SLC4A1AP: variants seen among roughly 807,000 people sequenced by gnomAD.
The protein encoded by SLC4A1AP is kanadaptin.
SLC4A1AP carries 64 observed loss-of-function variants against 89.7 expected under a neutral mutation model. The observed-to-expected ratio is 0.71, with a 90% CI of 0.58 to 0.88. The LOEUF (loss-of-function observed/expected upper bound fraction) is 0.88, where lower values mean the gene tolerates loss of function less well. SLC4A1AP is among the 40% of genes least tolerant of loss of function. The pLI is 0.00. For missense variants in SLC4A1AP, 931 were observed against 965.0 expected, an observed-to-expected ratio of 0.96 and a Z score of 0.47; for synonymous variants, 366 against 353.3, an observed-to-expected ratio of 1.04 and a Z score of -0.40.
At chr2:27,688,663 G>C in intron 11 of SLC4A1AP, 37 bp from the exon 12 acceptor site, 1 of 1,443,498 alleles carries the variant, frequency 6.9e-7, no homozygotes, top group South Asian at 1.2e-5. Flanking sequence ...TACTTATACT[G>C]AAAATAGCTA....
At chr2:27,687,213 A>C (rs569636249) in intron 10 of SLC4A1AP, among the ~76,000 whole-genome samples, 1 of 152,160 alleles carries the variant, frequency 6.6e-6, no homozygotes, top group African/African-American at 2.4e-5. Context: ...TGCATATGCC[A>C]TAATGTATTT....
Position 27,668,912 on chromosome 2 carries a change from T to C in SLC4A1AP, c.1205+9T>C, listed in dbSNP as rs1675377592. ...TGGCTCTGCAGGGTGAGGTATGCTC[T>C]TTTCTTATTAATGTTCTTTTCTGGA... On this transcript the variant is annotated intron_variant, in intron 4 of 13. Coordinates refer to ENST00000613058, the Ensembl canonical transcript of SLC4A1AP. The C allele has an allele frequency of 6.2e-7, 1 of 1,612,666 alleles. No homozygotes were observed. Among genetic ancestry groups the C allele is most frequent in the South Asian group, 1.1e-5 (1 of 90,800 alleles).
chr2:27,665,995 A>C (rs1488975756), intron 2 of SLC4A1AP, among the ~76,000 whole-genome samples: 2 of 152,248 alleles, frequency 1.3e-5, no homozygotes, highest in Non-Finnish European at 2.9e-5. Flanking sequence ...TATGGTAGCC[A>C]CTAGCCACAT....
chr2:27,673,409 TCCCTC>T (rs1675460421), intron 5 of SLC4A1AP, among the ~76,000 whole-genome samples: 1 of 10,492 alleles, frequency 9.5e-5, no homozygotes, highest in Non-Finnish European at 2.4e-4. Flanking sequence ...TTTCCCTCCC[TCCCTC>T]CCTCCCTCCC....
exon 1 of SLC4A1AP, chr2:27,664,230 G>T: frequency 1.2e-6 from 2 of 1,614,180 alleles, no homozygotes; most frequent in Non-Finnish European, 1.7e-6. Flanking sequence ...GCCTCCATGG[G>T]GTGGCCCTGC....
chr2:27,664,630 G>C, intron 1 of SLC4A1AP, 53 bp downstream of exon 1: 1 of 1,371,176 alleles, frequency 7.3e-7, no homozygotes, highest in Admixed American at 1.9e-5. Flanking sequence ...CTGCGTTCTT[G>C]TGCTTCTTAA....
exon 10 of SLC4A1AP, chr2:27,685,130 G>A (rs1402553217): frequency 3.7e-6 from 6 of 1,613,848 alleles, no homozygotes; most frequent in Non-Finnish European, 5.1e-6. Flanking sequence ...GGAAGAGGAA[G>A]AAGAGAAAGA....
At chr2:27,665,429 G>A in intron 2 of SLC4A1AP, 134 bp downstream of exon 2, 1 of 632,670 alleles carries the variant, frequency 1.6e-6, no homozygotes, top group Non-Finnish European at 2.5e-6. Context: ...TTGCACATGA[G>A]GTAACCAAAA....
intron 5 of SLC4A1AP, among the ~76,000 whole-genome samples, chr2:27,669,730 A>C (rs1028900439): frequency 6.6e-5 from 10 of 152,100 alleles, no homozygotes; most frequent in African/African-American, 2.2e-4. Context: ...TCACTCTGTC[A>C]CCCAGGCTGG....
rs760870209 is a variant in SLC4A1AP at position 27,664,205 on chromosome 2, T to A, written c.453T>A (p.Ala151=). 4.3e-6 allele frequency: 7 copies of A among 1,612,452 alleles called. No homozygotes were observed. In the South Asian group the frequency reaches 6.6e-5, roughly 15 times the overall value. Residue 151 remains alanine, a synonymous_variant, in exon 1 of 14, where the codon GCT becomes GCA. Transcript: ENST00000613058. ...CTTCCCCTGGCGGTCCAGCCCGGGCTCCCCCCTACCAAGAGCCTCCATGGG... is the reference window on the plus strand; with the variant it reads ...CTTCCCCTGGCGGTCCAGCCCGGGCACCCCCCTACCAAGAGCCTCCATGGG...
intron 11 of SLC4A1AP, 126 bp from the exon 12 acceptor site, chr2:27,688,574 G>A: frequency 4.6e-6 from 3 of 649,760 alleles, no homozygotes; most frequent in Non-Finnish European, 2.7e-6. Context: ...AGAAGGAATT[G>A]TTGAGAATTG....
chr2:27,672,300 TTTC>T (rs1675437659), intron 5 of SLC4A1AP, among the ~76,000 whole-genome samples: 1 of 151,496 alleles, frequency 6.6e-6, no homozygotes, highest in African/African-American at 2.5e-5. Context: ...TTAAGTTTTT[TTTC>T]TTCTTTTTTT....
intron 12 of SLC4A1AP, among the ~76,000 whole-genome samples, chr2:27,691,066 GGAGGATTCCTTCTTTCTC>G (rs1475366647): frequency 6.6e-6 from 1 of 151,960 alleles, no homozygotes; most frequent in African/African-American, 2.4e-5. Context: ...AATGAGTTAG[GGAGGATTCCTTCTTTCTC>G]ATTCTTTTGG....
In SLC4A1AP at chr2:27,671,869, T is replaced by C. The variant is rs75185090; in HGVS notation, c.1345+2482T>C. On this transcript the variant is annotated intron_variant, in intron 5 of 13. Coordinates refer to ENST00000613058, the Ensembl canonical transcript of SLC4A1AP. The stretch of plus-strand genomic sequence containing the variant: ...TCTAGTAGATTTCAGAGAAAGAGTG[T>C]ATAGGAAATAAATTTTATTAATCCT... Among the ~76,000 whole-genome samples, 191 of 152,342 alleles carry C rather than the reference T, an allele frequency of 1.3e-3. 1 individual carries two copies. The highest frequency in any genetic ancestry group is 2.3e-3 in the Non-Finnish European group (158 of 68,026).
intron 9 of SLC4A1AP, among the ~76,000 whole-genome samples, chr2:27,683,687 TA>T (rs1257728012): frequency 6.6e-6 from 1 of 152,152 alleles, no homozygotes; most frequent in Non-Finnish European, 1.5e-5. Flanking sequence ...CACCCTGAAT[TA>T]GGGTATACTG....
At chr2:27,668,955 T>G in intron 4 of SLC4A1AP, 52 bp downstream of exon 4, 1 of 1,518,054 alleles carries the variant, frequency 6.6e-7, no homozygotes, top group Non-Finnish European at 9.1e-7. Flanking sequence ...CAATTTCAGG[T>G]TTAATGTATG....
chr2:27,691,513 GTTTCT>G (rs747116492), intron 12 of SLC4A1AP: 1 of 148,698 alleles, frequency 6.7e-6, no homozygotes, highest in Non-Finnish European at 1.5e-5. Flanking sequence ...ATCTTTTGCA[GTTTCT>G]TTTGTTTCAA....
chr2:27,684,419 C>T (rs1352117536), intron 9 of SLC4A1AP, among the ~76,000 whole-genome samples: 1 of 147,154 alleles, frequency 6.8e-6, no homozygotes, highest in African/African-American at 2.6e-5. Flanking sequence ...CAGAGCAAGA[C>T]TCTGTCTCAA....
intron 6 of SLC4A1AP, among the ~76,000 whole-genome samples, chr2:27,676,808 T>C (rs112065731): frequency 0.086 from 12,405 of 143,880 alleles, 1,563 homozygotes; most frequent in African/African-American, 0.28. Context: ...GCAGCCTGGG[T>C]GACAGTGCGA....
Sources: allele counts gnomAD v4.1 joint callset (sites outside exome capture counted in the v4.1 genomes callset), GRCh38; gene constraint gnomAD v4.1.1; transcripts MANE v1.5; gene names NCBI Gene and HGNC (gene_info 2026-07-23, HGNC 2026-07-21).